PCDH7: variants seen among roughly 807,000 people sequenced by gnomAD.
PCDH7 encodes the protein protocadherin 7, also known as protocadherin-7.
Under a neutral mutation model 58.9 loss-of-function variants are expected in PCDH7, and 17 were observed. The observed-to-expected ratio is 0.29, with a 90% CI of 0.20 to 0.43. The LOEUF (loss-of-function observed/expected upper bound fraction) is 0.43, where lower values mean the gene tolerates loss of function less well. Ranked by LOEUF, PCDH7 falls within the 20% of genes least tolerant of loss-of-function variation. PCDH7 has a pLI of 1.00. For missense variants in PCDH7, 1,274 were observed against 1,441.0 expected (o/e 0.88, Z 1.88); for synonymous variants, 664 against 616.4 (o/e 1.08, Z -1.14).
At chr4:31,117,602 CAT>C (rs1378571976) in intron 3 of PCDH7, among the ~76,000 whole-genome samples, 1 of 151,990 alleles carries the variant, frequency 6.6e-6, no homozygotes, top group African/African-American at 2.4e-5. Context: ...GGGATGTTAG[CAT>C]AATTATAATA....
At chr4:31,065,239 G>A (rs924920094) in intron 3 of PCDH7, among the ~76,000 whole-genome samples, 2 of 151,932 alleles carry the variant, frequency 1.3e-5, no homozygotes, top group Admixed American at 6.6e-5. Context: ...CTGTGTGGCA[G>A]CTTCAGTCTA....
At chr4:31,078,809 A>G (rs562497506) in intron 3 of PCDH7, among the ~76,000 whole-genome samples, 146 of 152,174 alleles carry the variant, frequency 9.6e-4, no homozygotes, top group African/African-American at 3.4e-3. Context: ...ACATGATGTC[A>G]AAATTTATTT....
At chr4:30,788,661 TA>T (rs1723727334) in intron 1 of PCDH7, among the ~76,000 whole-genome samples, 1 of 152,112 alleles carries the variant, frequency 6.6e-6, no homozygotes, top group African/African-American at 2.4e-5. Context: ...TCTACAGCTT[TA>T]CGAATGGAGA....
intron 1 of PCDH7, among the ~76,000 whole-genome samples, chr4:30,913,998 C>A (rs554366692): frequency 6.6e-6 from 1 of 152,220 alleles, no homozygotes; most frequent in South Asian, 2.1e-4. Context: ...TTCCTCTGAT[C>A]TCACCCACAT....
chr4:31,080,035 T>C (rs1414780485), intron 3 of PCDH7, among the ~76,000 whole-genome samples: 1 of 152,200 alleles, frequency 6.6e-6, no homozygotes, highest in Non-Finnish European at 1.5e-5. Context: ...GACTGCCTGT[T>C]ACCACCTAAT....
chr4:31,078,564 C>T (rs1759202882), intron 3 of PCDH7, among the ~76,000 whole-genome samples: 1 of 145,698 alleles, frequency 6.9e-6, no homozygotes. Flanking sequence ...CTCAAGCTAT[C>T]AAGCAATGCT....
intron 1 of PCDH7, among the ~76,000 whole-genome samples, chr4:30,873,348 C>T (rs546289841): frequency 6.6e-6 from 1 of 152,008 alleles, no homozygotes; most frequent in Non-Finnish European, 1.5e-5. Flanking sequence ...ATTCTGATGT[C>T]ATTAGGCAAA....
At chr4:31,098,179 G>T (rs571114258) in intron 3 of PCDH7, among the ~76,000 whole-genome samples, 1 of 152,152 alleles carries the variant, frequency 6.6e-6, no homozygotes, top group African/African-American at 2.4e-5. Flanking sequence ...TGCCCACATG[G>T]GCAGGCCAGG....
intron 3 of PCDH7, among the ~76,000 whole-genome samples, chr4:31,014,054 G>T (rs1753420649): frequency 6.6e-6 from 1 of 152,026 alleles, no homozygotes; most frequent in African/African-American, 2.4e-5. Context: ...TTATGATTTT[G>T]GGGATAGTAA....
intron 1 of PCDH7, among the ~76,000 whole-genome samples, chr4:30,745,425 G>A (rs1717655187): frequency 6.6e-6 from 1 of 151,698 alleles, no homozygotes. Context: ...ACTGGTACTT[G>A]TTATCAGCTG....
intron 3 of PCDH7, among the ~76,000 whole-genome samples, chr4:31,059,162 A>C (rs960001710): frequency 6.6e-6 from 1 of 151,866 alleles, no homozygotes; most frequent in Non-Finnish European, 1.5e-5. Context: ...TGACTTTCAT[A>C]TGGTTTTTGA....
chr4:30,865,408 C>G (rs1411357937), intron 1 of PCDH7, among the ~76,000 whole-genome samples: 1 of 151,946 alleles, frequency 6.6e-6, no homozygotes, highest in Non-Finnish European at 1.5e-5. Flanking sequence ...AGTGGAAATC[C>G]TGGAAGTAGT....
chr4:30,769,365 T>C (rs935994597), intron 1 of PCDH7, among the ~76,000 whole-genome samples: 2 of 152,228 alleles, frequency 1.3e-5, no homozygotes, highest in African/African-American at 4.8e-5. Context: ...TTCCTGCAAG[T>C]CAGCTATCTC....
intron 3 of PCDH7, among the ~76,000 whole-genome samples, chr4:30,961,684 C>T (rs1025623136): frequency 4.6e-5 from 7 of 152,098 alleles, no homozygotes; most frequent in Non-Finnish European, 1.0e-4. Flanking sequence ...TTTAAAAATG[C>T]AATATTGGTG....
At chr4:30,812,229 A>G (rs536537090) in intron 1 of PCDH7, among the ~76,000 whole-genome samples, 6 of 152,158 alleles carry the variant, frequency 3.9e-5, no homozygotes, top group Non-Finnish European at 8.8e-5. Context: ...TGTATTTGAG[A>G]GTAGGGTAGG....
intron 1 of PCDH7, among the ~76,000 whole-genome samples, chr4:30,907,658 T>C (rs1025198931): frequency 1.3e-5 from 2 of 152,102 alleles, no homozygotes; most frequent in Admixed American, 1.3e-4. Context: ...GGTGGGGGTG[T>C]AAATTAGTTC....
chr4:30,957,744 T>A (rs1748006253), intron 3 of PCDH7, among the ~76,000 whole-genome samples: 1 of 152,164 alleles, frequency 6.6e-6, no homozygotes, highest in Non-Finnish European at 1.5e-5. Flanking sequence ...GGCTTTACAT[T>A]GTAAGAGTCT....
At chr4:30,895,352 C>T (rs955001942) in intron 1 of PCDH7, among the ~76,000 whole-genome samples, 1 of 151,986 alleles carries the variant, frequency 6.6e-6, no homozygotes, top group Middle Eastern at 3.2e-3. Context: ...GTTTAAGTAT[C>T]TTCAGGTAAA....
rs193031463 is a variant in PCDH7 at position 30,725,695 on chromosome 4, A to G, written c.3174+1099A>G. On this transcript the variant is annotated intron_variant, in intron 1 of 1. Coordinates refer to ENST00000361762, the Ensembl canonical transcript of PCDH7. ...TTTCTTACTGTCAGAACCCATCTCAAGAAACACAGTTATGATTGTCAATCT... is the reference window on the plus strand; with the variant it reads ...TTTCTTACTGTCAGAACCCATCTCAGGAAACACAGTTATGATTGTCAATCT... 3.0e-4 allele frequency among the ~76,000 whole-genome samples: 45 copies of G among 152,240 alleles called. No homozygotes were observed. In the East Asian group the frequency reaches 8.5e-3, roughly 29 times the overall value.
Sources: allele counts gnomAD v4.1 joint callset (sites outside exome capture counted in the v4.1 genomes callset), GRCh38; gene constraint gnomAD v4.1.1; transcripts MANE v1.5; gene names NCBI Gene and HGNC (gene_info 2026-07-23, HGNC 2026-07-21).